Variants in RANBP2 observed in about 807,000 individuals in gnomAD.
The protein encoded by RANBP2 is RAN binding protein 2, also known as E3 SUMO-protein ligase RanBP2.
In RANBP2, 57 loss-of-function variants were observed where a neutral mutation model predicts 303.6. The ratio of observed to expected loss-of-function variants is 0.19; its 90% CI spans 0.15 to 0.23. The LOEUF is 0.23. Ranked by LOEUF, RANBP2 falls within the 10% of genes least tolerant of loss-of-function variation. The pLI is 1.00. For missense variants in RANBP2, 3,138 were observed against 3,780.8 expected (o/e 0.83, Z 4.46); for synonymous variants, 1,167 against 1,301.5 (o/e 0.90, Z 2.23).
At chr2:108,826,687 A>G in the RANBP2 span, among the ~76,000 whole-genome samples, 121,867 of 152,116 alleles carry the variant, frequency 0.8, 49,093 homozygotes, top group East Asian at 0.95. Flanking sequence ...CAAAGTGTGA[A>G]TCTTCCAACT....
the RANBP2 span, among the ~76,000 whole-genome samples, chr2:109,378,369 C>G: frequency 6.6e-6 from 1 of 152,200 alleles, no homozygotes; most frequent in Admixed American, 6.5e-5. Context: ...AGGATGGGGG[C>G]TCTAGTTCTC....
the RANBP2 span, among the ~76,000 whole-genome samples, chr2:109,530,398 A>G: frequency 6.6e-6 from 1 of 152,338 alleles, no homozygotes; most frequent in South Asian, 2.1e-4. Flanking sequence ...AGCAGCTGCA[A>G]ACAAATACAG....
At chr2:109,370,855 G>A in the RANBP2 span, among the ~76,000 whole-genome samples, 4 of 152,108 alleles carry the variant, frequency 2.6e-5, no homozygotes, top group East Asian at 1.9e-4. Context: ...AATTGAAGAG[G>A]GTTACTGAAA....
the RANBP2 span, among the ~76,000 whole-genome samples, chr2:109,591,222 G>T: frequency 6.6e-6 from 1 of 152,152 alleles, no homozygotes; most frequent in African/African-American, 2.4e-5. Flanking sequence ...TTCATAACTT[G>T]TTAAAGTTGT....
the RANBP2 span, chr2:109,737,242 T>G: frequency 3.7e-6 from 3 of 809,270 alleles, no homozygotes; most frequent in South Asian, 4.5e-5. Context: ...ACGAAGATTA[T>G]TCTTCTTCAA....
At chr2:109,491,362 G>A in the RANBP2 span, among the ~76,000 whole-genome samples, 2 of 152,118 alleles carry the variant, frequency 1.3e-5, no homozygotes, top group East Asian at 1.9e-4. Context: ...CAACCCACTC[G>A]GCGTCTTAGA....
chr2:108,822,364 A>G, the RANBP2 span, among the ~76,000 whole-genome samples: 36 of 152,356 alleles, frequency 2.4e-4, 1 homozygote, highest in Non-Finnish European at 3.5e-4. Flanking sequence ...GGAAACTTCA[A>G]TACCCCACTT....
the RANBP2 span, among the ~76,000 whole-genome samples, chr2:109,076,440 A>G: frequency 8.1e-6 from 1 of 122,980 alleles, no homozygotes; most frequent in Non-Finnish European, 1.9e-5. Flanking sequence ...AAAAGAAATA[A>G]AAAATATCCA....
the RANBP2 span, among the ~76,000 whole-genome samples, chr2:109,382,208 G>A: frequency 2.6e-5 from 4 of 152,196 alleles, no homozygotes; most frequent in Non-Finnish European, 5.9e-5. Context: ...CAGGAATTTA[G>A]GAAGTTACCA....
chr2:109,417,854 C>T, the RANBP2 span, among the ~76,000 whole-genome samples: 32 of 152,142 alleles, frequency 2.1e-4, no homozygotes, highest in Non-Finnish European at 2.9e-4. Flanking sequence ...AGGTGGCCGG[C>T]GGCATGCAGA....
the RANBP2 span, among the ~76,000 whole-genome samples, chr2:109,296,929 TGGATTA>T: frequency 6.6e-6 from 1 of 152,104 alleles, no homozygotes; most frequent in Admixed American, 6.5e-5. Context: ...GGCTGCAGTG[TGGATTA>T]ACTAGGCCTG....
the RANBP2 span, among the ~76,000 whole-genome samples, chr2:109,648,164 G>A: frequency 2.0e-5 from 3 of 152,216 alleles, no homozygotes; most frequent in Non-Finnish European, 4.4e-5. Flanking sequence ...GGGTCCTCGG[G>A]TGGGAATGCT....
the RANBP2 span, among the ~76,000 whole-genome samples, chr2:109,199,627 T>TCAAC: frequency 0.021 from 2 of 94 alleles, no homozygotes; most frequent in Admixed American, 0.071. Flanking sequence ...TGGAATGGAA[T>TCAAC]GGAATGGAAT....
chr2:108,881,650 C>A, the RANBP2 span, among the ~76,000 whole-genome samples: 1 of 152,134 alleles, frequency 6.6e-6, no homozygotes, highest in Non-Finnish European at 1.5e-5. Context: ...CACTTGGACA[C>A]TTAGAGGGCA....
chr2:109,574,430 G>A, the RANBP2 span: 3 of 424,612 alleles, frequency 7.1e-6, no homozygotes, highest in Non-Finnish European at 1.0e-5. Context: ...GGGTGACAGA[G>A]TGACTTTATC....
chr2:108,944,410 G>A, the RANBP2 span, among the ~76,000 whole-genome samples: 2 of 152,216 alleles, frequency 1.3e-5, no homozygotes, highest in African/African-American at 4.8e-5. Flanking sequence ...CACCGTGCCC[G>A]GCCCAGGAAT....
the RANBP2 span, among the ~76,000 whole-genome samples, chr2:108,970,694 C>T: frequency 1.1e-4 from 16 of 152,222 alleles, no homozygotes; most frequent in South Asian, 2.5e-3. Context: ...ACAGAAAAAC[C>T]ATAAGGTAGA....
chr2:109,247,465 TC>T, the RANBP2 span, among the ~76,000 whole-genome samples: 39 of 152,356 alleles, frequency 2.6e-4, no homozygotes, highest in Middle Eastern at 6.8e-3. Context: ...TGAGGACACT[TC>T]CTGGAAGTTT....
the RANBP2 span, among the ~76,000 whole-genome samples, chr2:109,335,466 A>T: frequency 1.3e-5 from 2 of 152,054 alleles, no homozygotes; most frequent in Non-Finnish European, 2.9e-5. Flanking sequence ...GGGCTGGGAC[A>T]TGCTCGTCGA....
Sources: allele counts gnomAD v4.1 joint callset (sites outside exome capture counted in the v4.1 genomes callset), GRCh38; gene constraint gnomAD v4.1.1; transcripts MANE v1.5; gene names NCBI Gene and HGNC (gene_info 2026-07-23, HGNC 2026-07-21).